DAPK1: variants seen among roughly 807,000 people sequenced by gnomAD.
The protein encoded by DAPK1 is death-associated protein kinase 1.
Under a neutral mutation model 144.9 loss-of-function variants are expected in DAPK1, and 56 were observed. The ratio of observed to expected loss-of-function variants is 0.39; its 90% CI spans 0.31 to 0.48. The LOEUF (loss-of-function observed/expected upper bound fraction) is 0.48. Ranked by LOEUF, DAPK1 falls within the 20% of genes least tolerant of loss-of-function variation. The pLI is 0.95. For missense variants in DAPK1, 1,454 were observed against 1,875.4 expected, an observed-to-expected ratio of 0.78 and a Z score of 4.15; for synonymous variants, 690 against 749.0, an observed-to-expected ratio of 0.92 and a Z score of 1.29.
At chr9:87,666,163 C>G (rs989603616) in intron 18 of DAPK1, among the ~76,000 whole-genome samples, 1 of 152,168 alleles carries the variant, frequency 6.6e-6, no homozygotes, top group Non-Finnish European at 1.5e-5. Flanking sequence ...GTGCCTGGCA[C>G]TGTGCTGGTT....
chr9:87,555,723 G>A (rs1398071795), intron 2 of DAPK1, among the ~76,000 whole-genome samples: 3 of 152,158 alleles, frequency 2.0e-5, no homozygotes, highest in African/African-American at 4.8e-5. Context: ...GGCTGGTCTC[G>A]AACTCCCGAC....
chr9:87,555,452 CA>C (rs1160150925), intron 2 of DAPK1, among the ~76,000 whole-genome samples: 3 of 151,578 alleles, frequency 2.0e-5, no homozygotes, highest in Non-Finnish European at 2.9e-5. Flanking sequence ...CAAACAACAA[CA>C]GAAAAAACAA....
intron 17 of DAPK1, among the ~76,000 whole-genome samples, chr9:87,652,196 CA>C (rs1285882702): frequency 1.8e-3 from 241 of 134,722 alleles, no homozygotes; most frequent in African/African-American, 3.6e-3. Context: ...ATTCTGTGTC[CA>C]TCCCCCCGAT....
intron 18 of DAPK1, among the ~76,000 whole-genome samples, chr9:87,659,963 A>C (rs987308527): frequency 1.3e-5 from 2 of 152,172 alleles, no homozygotes; most frequent in Non-Finnish European, 2.9e-5. Context: ...CGTCAATTAC[A>C]GTCACTGAAT....
chr9:87,668,840 C>T, intron 19 of DAPK1, 166 bp downstream of exon 19: 1 of 620,248 alleles, frequency 1.6e-6, no homozygotes, highest in Non-Finnish European at 2.9e-6. Flanking sequence ...ATAAATGCAT[C>T]AGCTCCCTAT....
chr9:87,498,635 A>C, intron 1 of DAPK1: 1 of 334,018 alleles, frequency 3.0e-6, no homozygotes. Flanking sequence ...GCGTCCCTGG[A>C]GGTGGGAAAG....
chr9:87,664,378 C>T (rs7041482), intron 18 of DAPK1, among the ~76,000 whole-genome samples: 11,695 of 152,244 alleles, frequency 0.077, 1,377 homozygotes, highest in African/African-American at 0.26. Flanking sequence ...CCCACTTCTG[C>T]CCTGAGGGTA....
At chr9:87,542,917 T>C (rs1041892099) in intron 2 of DAPK1, among the ~76,000 whole-genome samples, 1 of 152,186 alleles carries the variant, frequency 6.6e-6, no homozygotes, top group African/African-American at 2.4e-5. Flanking sequence ...CGATCATAAA[T>C]AGATGTTCTG....
chr9:87,599,211 A>G (rs1564015449), intron 2 of DAPK1, among the ~76,000 whole-genome samples: 1 of 152,224 alleles, frequency 6.6e-6, no homozygotes, highest in Non-Finnish European at 1.5e-5. Flanking sequence ...TTTCTTAGTT[A>G]TGCAACTTAC....
At chr9:87,531,941 G>C (rs754269904) in intron 2 of DAPK1, among the ~76,000 whole-genome samples, 1 of 152,192 alleles carries the variant, frequency 6.6e-6, no homozygotes, top group Non-Finnish European at 1.5e-5. Context: ...AATGCTTAAT[G>C]CTTATGGGCC....
In DAPK1 at chr9:87,647,375, A is replaced by G. The variant is rs987054146; in HGVS notation, c.1301A>G (p.Asn434Ser). ...HVDTLKFLSE[N>S]KCPLDVKDKS... ...GATACCTTGAAATTTCTCAGTGAGA[A>G]CAAATGCCCTTTGGATGTGAAAGAC... is the stretch of plus-strand genomic sequence containing the variant. Residue 434 changes from asparagine (N) to serine (S), a missense_variant, in exon 14 of 26, where the codon AAC becomes AGC. Physicochemically the swap from Asn to Ser is conservative, Grantham distance 46. Coordinates refer to ENST00000408954, the MANE Select transcript of DAPK1 (RefSeq NM_004938.4). The G allele has an allele frequency of 5.6e-6, 9 of 1,614,080 alleles. No individual in the cohort carries two copies. The African/African-American group carries it at 1.1e-4, about 19-fold the overall frequency.
chr9:87,515,337 C>G (rs1194662226), intron 2 of DAPK1, among the ~76,000 whole-genome samples: 2 of 152,190 alleles, frequency 1.3e-5, no homozygotes, highest in Non-Finnish European at 2.9e-5. Context: ...ACCCTGTGGG[C>G]CATGATTTGC....
chr9:87,529,698 C>A (rs985232962), intron 2 of DAPK1, among the ~76,000 whole-genome samples: 8 of 152,200 alleles, frequency 5.3e-5, no homozygotes, highest in Non-Finnish European at 1.5e-5. Flanking sequence ...AGTGGACGTG[C>A]CTTTATCTGC....
intron 2 of DAPK1, among the ~76,000 whole-genome samples, chr9:87,602,781 G>T (rs779873039): frequency 6.6e-6 from 1 of 151,996 alleles, no homozygotes; most frequent in Admixed American, 6.5e-5. Context: ...TTACAGGCAC[G>T]CGCCACCACA....
At chr9:87,574,659 C>T (rs543730091) in intron 2 of DAPK1, among the ~76,000 whole-genome samples, 126 of 152,336 alleles carry the variant, frequency 8.3e-4, no homozygotes, top group African/African-American at 2.9e-3. Context: ...GTGGCTCCCG[C>T]CTGTAATCCC....
intron 2 of DAPK1, among the ~76,000 whole-genome samples, chr9:87,569,434 G>T (rs1026011926): frequency 6.6e-6 from 1 of 152,140 alleles, no homozygotes; most frequent in Non-Finnish European, 1.5e-5. Context: ...GTGCTTCATC[G>T]CAGGTGCCCA....
chr9:87,599,538 C>T (rs549312753), intron 2 of DAPK1, among the ~76,000 whole-genome samples: 1 of 152,104 alleles, frequency 6.6e-6, no homozygotes, highest in Non-Finnish European at 1.5e-5. Context: ...TAATATAAAA[C>T]TCATTAAAGG....
At chr9:87,610,935 T>C (rs1476736815) in intron 3 of DAPK1, among the ~76,000 whole-genome samples, 1 of 152,206 alleles carries the variant, frequency 6.6e-6, no homozygotes, top group African/African-American at 2.4e-5. Context: ...CAATCCAAAT[T>C]CTAGCCTGTT....
intron 19 of DAPK1, among the ~76,000 whole-genome samples, chr9:87,674,038 A>G (rs957648764): frequency 6.6e-6 from 1 of 152,066 alleles, no homozygotes; most frequent in Non-Finnish European, 1.5e-5. Flanking sequence ...GACCCCTTCT[A>G]TGGGAAAGGG....
Sources: allele counts gnomAD v4.1 joint callset (sites outside exome capture counted in the v4.1 genomes callset), GRCh38; gene constraint gnomAD v4.1.1; transcripts MANE v1.5; gene names NCBI Gene and HGNC (gene_info 2026-07-23, HGNC 2026-07-21).